CACNA1B: variants seen among roughly 807,000 people sequenced by gnomAD.
The protein encoded by CACNA1B is voltage-dependent N-type calcium channel subunit alpha-1B.
A neutral mutation model predicts 247.2 loss-of-function variants in CACNA1B; 70 were observed. The ratio of observed to expected loss-of-function variants is 0.28; its 90% CI spans 0.23 to 0.35. CACNA1B has a LOEUF of 0.35. Among genes scored for constraint, CACNA1B ranks in the 10% least tolerant of loss-of-function variants. CACNA1B has a pLI of 1.00. For synonymous variants in CACNA1B, 1,231 were observed against 1,294.4 expected, an observed-to-expected ratio of 0.95 and a Z score of 1.05; for missense variants, 2,367 against 3,197.4, an observed-to-expected ratio of 0.74 and a Z score of 6.26.
intron 34 of CACNA1B, among the ~76,000 whole-genome samples, chr9:138,075,322 A>G (rs1488817433): frequency 2.0e-5 from 3 of 152,244 alleles, no homozygotes; most frequent in Non-Finnish European, 4.4e-5. Context: ...ATAAATTTGC[A>G]GCCAGATTCC....
chr9:137,978,630 G>T (rs1454176547), intron 12 of CACNA1B, among the ~76,000 whole-genome samples: 1 of 152,220 alleles, frequency 6.6e-6, no homozygotes, highest in Admixed American at 6.5e-5. Flanking sequence ...TGGTAGTAAA[G>T]CTTCAGTTAG....
At chr9:138,095,574 T>A (rs1961027147) in intron 36 of CACNA1B, among the ~76,000 whole-genome samples, 1 of 151,944 alleles carries the variant, frequency 6.6e-6, no homozygotes, top group Non-Finnish European at 1.5e-5. Context: ...TAAAAAAAAA[T>A]GAAGCATAGA....
rs761216324 is a variant in CACNA1B, at chr9:137,913,192, G to A, written c.543G>A (p.Thr181=). The A allele has an allele frequency of 6.2e-6, 10 of 1,613,518 alleles. No individual in the cohort carries two copies. The highest frequency in any genetic ancestry group is 5.0e-5 in the Admixed American group (3 of 59,956). The change falls in exon 4 of 47, where the codon ACG becomes ACA. Residue 181 remains threonine (T), a synonymous_variant. Transcript: ENST00000371372. The surrounding 1 kb of genome is among the most constrained non-coding windows in gnomAD (Gnocchi z 5.2). ...TTGTTTCTGCCAGGATCCTTGCCAC[G>A]GCTGGAACTGACTTCGACCTGCGAA... ...FVVVLTGILA[T]AGTDFDLRTL...
In CACNA1B at chr9:138,051,769, G is replaced by A. The variant is rs1478778764; in HGVS notation, c.3711-323G>A. Among the ~76,000 whole-genome samples, 1 of 152,106 alleles carries A rather than the reference G, an allele frequency of 6.6e-6. No homozygotes were observed. Among genetic ancestry groups the A allele is most frequent in the Admixed American group, 6.5e-5 (1 of 15,270 alleles). ...TCCCACTTCTGGGTCTGCAGTCCTCGTGCGGGTCTCTTCTGTCCTCTTAAT... is the reference window on the plus strand; with the variant it reads ...TCCCACTTCTGGGTCTGCAGTCCTCATGCGGGTCTCTTCTGTCCTCTTAAT... On this transcript the variant is annotated intron_variant, in intron 24 of 46. Coordinates refer to ENST00000371372, the MANE Select transcript of CACNA1B (RefSeq NM_000718.4). This position sits in a 1 kb window ranked among gnomAD's most constrained non-coding sequence, Gnocchi z 4.3.
intron 10 of CACNA1B, among the ~76,000 whole-genome samples, chr9:137,960,143 G>C (rs1019441502): frequency 5.0e-5 from 7 of 140,176 alleles, no homozygotes; most frequent in African/African-American, 1.6e-4. Context: ...TGGAGAGAGA[G>C]GGGAGCTTGG....
At chr9:138,117,318 C>T (rs945936038) in intron 42 of CACNA1B, among the ~76,000 whole-genome samples, 1 of 152,044 alleles carries the variant, frequency 6.6e-6, no homozygotes, top group Admixed American at 6.6e-5. Context: ...GAGGAGCCAC[C>T]AGCAAGGGAC....
intron 10 of CACNA1B, among the ~76,000 whole-genome samples, chr9:137,963,033 C>G (rs1958037172): frequency 6.6e-6 from 1 of 152,128 alleles, no homozygotes; most frequent in Non-Finnish European, 1.5e-5. Flanking sequence ...TTTGAAGTCT[C>G]CAAGAACTTG....
chr9:138,094,732 T>C (rs760563149), intron 36 of CACNA1B, among the ~76,000 whole-genome samples: 75 of 152,162 alleles, frequency 4.9e-4, no homozygotes, highest in Non-Finnish European at 9.3e-4. Context: ...GGCATAAAGA[T>C]AGATACATAG....
chr9:137,938,407 C>T (rs191412319), intron 6 of CACNA1B, among the ~76,000 whole-genome samples: 55 of 152,234 alleles, frequency 3.6e-4, no homozygotes, highest in Non-Finnish European at 4.4e-5. Flanking sequence ...TAGTATCTCA[C>T]ATCTCAATAT....
chr9:137,898,247 T>C (rs1211482450), intron 3 of CACNA1B, among the ~76,000 whole-genome samples: 1 of 152,220 alleles, frequency 6.6e-6, no homozygotes, highest in Non-Finnish European at 1.5e-5. Context: ...TCAATAATTT[T>C]TGTTTTTAGT....
At position 137,973,930 on chromosome 9, in the gene CACNA1B, G is replaced by GA. The variant is rs889187384; in HGVS notation, c.1544-1976dup. On this transcript the variant is annotated intron_variant, in intron 11 of 46. Transcript: ENST00000371372. This position sits in a 1 kb window ranked among gnomAD's most constrained non-coding sequence, Gnocchi z 4.1. ...AGTGCTCTCACTTTGGTCTCCTGGG[G>GA]AGCAAGGTGTGTGCCTGGGTAGCCT... 6.6e-6 allele frequency among the ~76,000 whole-genome samples: 1 copy of GA among 152,170 alleles called. No homozygotes were observed. The highest frequency in any genetic ancestry group is 2.4e-5 in the African/African-American group (1 of 41,430).
chr9:138,063,985 C>A (rs1959826420), intron 31 of CACNA1B, among the ~76,000 whole-genome samples: 2 of 152,164 alleles, frequency 1.3e-5, no homozygotes, highest in Admixed American at 1.3e-4. Context: ...TGGGTTCGGC[C>A]AGTTAGTTAG....
rs1958184619 is a variant in CACNA1B, at chr9:137,973,771, G to A, written c.1544-2136G>A. Among the ~76,000 whole-genome samples, 1 of 152,224 alleles carries A rather than the reference G, an allele frequency of 6.6e-6. No individual in the cohort carries two copies. Among genetic ancestry groups the A allele is most frequent in the Non-Finnish European group, 1.5e-5 (1 of 68,048 alleles). On this transcript the variant is annotated intron_variant, in intron 11 of 46. Transcript: ENST00000371372. This position sits in a 1 kb window ranked among gnomAD's most constrained non-coding sequence, Gnocchi z 4.1. ...ATGAATGCCCTTTCTGGGCCTCAGA[G>A]TGGAGGCTGAGTATGTGAGGCTGAG...
chr9:138,094,492 C>T (rs1162635809), intron 36 of CACNA1B, among the ~76,000 whole-genome samples: 1 of 135,702 alleles, frequency 7.4e-6, no homozygotes. Flanking sequence ...ACTCAAACTT[C>T]TCCCAAATAT....
intron 37 of CACNA1B, among the ~76,000 whole-genome samples, chr9:138,101,942 C>A (rs978212657): frequency 6.6e-6 from 1 of 152,154 alleles, no homozygotes; most frequent in African/African-American, 2.4e-5. Flanking sequence ...CCTTTAGGTT[C>A]CTAGATCCTG....
At chr9:137,975,415 C>T (rs572505788) in intron 11 of CACNA1B, among the ~76,000 whole-genome samples, 2 of 152,196 alleles carry the variant, frequency 1.3e-5, no homozygotes, top group Admixed American at 6.5e-5. Context: ...CGTCTTTCCA[C>T]TGGGAAGTCC....
intron 6 of CACNA1B, among the ~76,000 whole-genome samples, chr9:137,942,210 C>A (rs960944570): frequency 6.6e-6 from 1 of 152,100 alleles, no homozygotes; most frequent in African/African-American, 2.4e-5. Flanking sequence ...AAATGGCCAA[C>A]AAACATGGAA....
chr9:138,036,965 C>A (rs1959054387), intron 20 of CACNA1B, among the ~76,000 whole-genome samples: 1 of 152,130 alleles, frequency 6.6e-6, no homozygotes, highest in African/African-American at 2.4e-5. Context: ...CTAGTTATTT[C>A]AAAAATAACT....
chr9:137,892,379 C>T lies in CACNA1B; in HGVS notation c.530+9496C>T, dbSNP rs866711025. ...GATGGACCCCAGACCCTGGGGCAGG[C>T]GGGATGCAGGGCCAGGCCTGCGGGG... On this transcript the variant is annotated intron_variant, in intron 3 of 46. Transcript: ENST00000371372. 3.3e-5 allele frequency: 15 copies of T among 456,194 alleles called. No homozygotes were observed. In the Middle Eastern group the frequency reaches 9.8e-4, roughly 30 times the overall value. The allele number at this position is 456,194 out of a possible 1,614,324, so 28.3% of individuals were successfully genotyped here.
Sources: gnomAD v4.1 joint callset for allele counts (sites outside exome capture counted in the v4.1 genomes callset) on GRCh38, gnomAD v4.1.1 for gene constraint, Gnocchi (gnomAD v3.1) non-coding constraint, MANE v1.5 for transcripts, NCBI Gene and HGNC (gene_info 2026-07-23, HGNC 2026-07-21) for gene names.